ZNF445: variants seen among roughly 807,000 people sequenced by gnomAD.
The protein encoded by ZNF445 is zinc finger protein 445.
A neutral mutation model predicts 93.9 loss-of-function variants in ZNF445; 19 were observed. The observed-to-expected ratio is 0.20, with a 90% CI of 0.14 to 0.30. ZNF445 has a LOEUF of 0.30. ZNF445 is among the 10% of genes least tolerant of loss of function. The pLI, the probability that ZNF445 is intolerant of heterozygous loss-of-function variation, is 1.00. For missense variants in ZNF445, 1,058 were observed against 1,259.4 expected, an observed-to-expected ratio of 0.84 and a Z score of 2.42; for synonymous variants, 449 against 446.3, an observed-to-expected ratio of 1.01 and a Z score of -0.08.
rs1697827155 is a variant in ZNF445, at chr3:44,442,755, C to T, written c.*3820G>A. Reference sequence around the variant, plus strand: ...ACCTGGTGCTCAGGGCAATCAGAAACTGTCAACTGAAGCCAAACAGCTCAG... The same window carrying T: ...ACCTGGTGCTCAGGGCAATCAGAAATTGTCAACTGAAGCCAAACAGCTCAG... On this transcript the variant is annotated 3_prime_UTR_variant, in exon 8 of 8. Coordinates refer to ENST00000396077, the MANE Select transcript of ZNF445 (RefSeq NM_181489.6). The T allele has an allele frequency of 6.6e-6, 1 of 152,198 alleles. No homozygotes were observed. Among genetic ancestry groups the T allele is most frequent in the Non-Finnish European group, 1.5e-5 (1 of 68,078 alleles). 9.4% of individuals were successfully genotyped at this position (152,198 alleles called of 1,614,324 possible).
intron 7 of ZNF445, 104 bp from the exon 8 acceptor site, chr3:44,448,843 G>C: frequency 7.6e-7 from 1 of 1,316,662 alleles, no homozygotes; most frequent in South Asian, 1.4e-5. Flanking sequence ...GCTTTTGCCT[G>C]ACTGCCAATA....
At chr3:44,453,822 C>T (rs73072626) in intron 3 of ZNF445, among the ~76,000 whole-genome samples, 5 of 152,156 alleles carry the variant, frequency 3.3e-5, no homozygotes, top group Non-Finnish European at 4.4e-5. Context: ...CAAATTCTCA[C>T]GATTAAACCA....
intron 1 of ZNF445, among the ~76,000 whole-genome samples, chr3:44,470,616 A>T (rs1698255634): frequency 6.6e-6 from 1 of 152,262 alleles, no homozygotes; most frequent in Admixed American, 6.5e-5. Context: ...CAGTTTACAT[A>T]TGCACATAAA....
At position 44,447,430 on chromosome 3, in the gene ZNF445, T is replaced by A. The variant is rs757731422; in HGVS notation, c.2241A>T (p.Thr747=). The stretch of plus-strand genomic sequence containing the variant: ...GACTGCTCTGAGGAACCTGGAACAC[T>A]GTGTCCTGACTAAAAGATGGCCCGC... The part of the protein sequence containing the change: ...PEGGPSFSQD[T]VFQVPQSSHS... Residue 747 remains threonine (T), a synonymous_variant, in exon 8 of 8, where the codon ACA becomes ACT. Coordinates refer to ENST00000396077, the MANE Select transcript of ZNF445 (RefSeq NM_181489.6). The surrounding 1 kb of genome is among the most constrained non-coding windows in gnomAD (Gnocchi z 4.7). 1 of 1,614,214 alleles carries A rather than the reference T, an allele frequency of 6.2e-7. No homozygotes were observed. The highest frequency in any genetic ancestry group is 1.7e-5 in the Admixed American group (1 of 60,024).
intron 1 of ZNF445, among the ~76,000 whole-genome samples, chr3:44,462,448 A>C (rs1698129717): frequency 2.0e-5 from 3 of 152,234 alleles, no homozygotes; most frequent in Non-Finnish European, 4.4e-5. Flanking sequence ...CCTTCTGGGA[A>C]GAACAGTAGA....
In ZNF445 at chr3:44,451,288, G is replaced by T. The variant is rs373939497; in HGVS notation, c.598+26C>A. The stretch of plus-strand genomic sequence containing the variant: ...ATGCAAGAAGTGTGGCATAAGGCTG[G>T]GGTCTTAAGGCCAGGCAGCAAGTAC... On this transcript the variant is annotated intron_variant, in intron 4 of 7. Coordinates refer to ENST00000396077, the MANE Select transcript of ZNF445 (RefSeq NM_181489.6). 8.2e-5 allele frequency: 132 copies of T among 1,607,908 alleles called. 1 individual carries two copies. In the Admixed American group the frequency reaches 1.2e-3, roughly 14 times the overall value.
At chr3:44,473,490 C>CACACACACACACAAAA (rs774842477) in intron 1 of ZNF445, among the ~76,000 whole-genome samples, 2 of 56,930 alleles carry the variant, frequency 3.5e-5, no homozygotes, top group African/African-American at 8.7e-5. Context: ...CACACACACA[C>CACACACACACACAAAA]AAAAAATGCT....
In ZNF445 at chr3:44,472,726, G is replaced by A. The variant is rs552198214; in HGVS notation, c.-269+4865C>T. Among the ~76,000 whole-genome samples the A allele has an allele frequency of 2.9e-3, 436 of 152,182 alleles. 3 individuals carry two copies. The highest frequency in any genetic ancestry group is 9.9e-3 in the African/African-American group (411 of 41,558). ...GCTACCTCAGCAGACAGCTGAGCCC[G>A]CCAATGAAATTCAGGTATCTTAATG... On this transcript the variant is annotated intron_variant, in intron 1 of 7. Coordinates refer to ENST00000396077, the MANE Select transcript of ZNF445 (RefSeq NM_181489.6).
At chr3:44,460,396 C>T (rs1360381268) in intron 1 of ZNF445, among the ~76,000 whole-genome samples, 1 of 152,172 alleles carries the variant, frequency 6.6e-6, no homozygotes, top group Non-Finnish European at 1.5e-5. Context: ...GTAGGACTAA[C>T]ATTAGCCATA....
At position 44,437,908 on chromosome 3, in the gene ZNF445, G is replaced by A. The variant is rs949797007; in HGVS notation, c.*8667C>T. The A allele has an allele frequency of 5.2e-5, 8 of 152,542 alleles. No individual in the cohort carries two copies. Among genetic ancestry groups the A allele is most frequent in the Non-Finnish European group, 1.0e-4 (7 of 68,008 alleles). The allele number at this position is 152,542 out of a possible 1,614,324, so 9.4% of individuals were successfully genotyped here. A position where few individuals can be genotyped will look rare whatever the true frequency, so the allele number is the denominator to read the frequency against. On this transcript the variant is annotated 3_prime_UTR_variant, in exon 8 of 8. Coordinates refer to ENST00000396077, the MANE Select transcript of ZNF445 (RefSeq NM_181489.6). ...AGGGGTCCCAATTCAATCCTAGAGG[G>A]TAGGAATGCCTAACTTTCTGAGAAT...
Position 44,447,537 on chromosome 3 carries a change from T to C in ZNF445, c.2134A>G (p.Ser712Gly). ...IHTGEKPYQC[S>G]DCGKDFAYRS... ...TAGGCAAAGTCCTTCCCACAATCGC[T>C]ACACTGGTAAGGTTTCTCACCTGTG... Residue 712 changes from serine (S) to glycine (G), a missense_variant, in exon 8 of 8, where the codon AGC becomes GGC. Transcript: ENST00000396077. This position sits in a 1 kb window ranked among gnomAD's most constrained non-coding sequence, Gnocchi z 4.7. 6.2e-7 allele frequency: 1 copy of C among 1,614,184 alleles called. No individual in the cohort carries two copies.
chr3:44,467,990 C>T (rs1190500194), intron 1 of ZNF445, among the ~76,000 whole-genome samples: 2 of 152,114 alleles, frequency 1.3e-5, no homozygotes, highest in Non-Finnish European at 2.9e-5. Context: ...TCATTATTTA[C>T]CTTATAGTAG....
rs143105727 is a variant in ZNF445 at position 44,447,645 on chromosome 3, C to A, written c.2026G>T (p.Ala676Ser). The A allele has an allele frequency of 2.5e-6, 4 of 1,613,988 alleles. No individual in the cohort carries two copies. Among genetic ancestry groups the A allele is most frequent in the South Asian group, 2.2e-5 (2 of 91,072 alleles). The change falls in exon 8 of 8, where the codon GCT becomes TCT. Residue 676 changes from alanine (A) to serine (S), a missense_variant. Around this residue, in one of 3 missense-constraint regions of ZNF445, gnomAD observed 387 missense variants for 475.7 expected, o/e 0.81. Coordinates refer to ENST00000396077, the MANE Select transcript of ZNF445 (RefSeq NM_181489.6). The surrounding 1 kb of genome is among the most constrained non-coding windows in gnomAD (Gnocchi z 4.7). ...TGACACAGAAATGTTTTCTCCACAG[C>A]GGGAGCACCCTGGGGCTGACTGCAG... is the stretch of plus-strand genomic sequence containing the variant. ...PDCSQPQGAP[A>S]VEKTFLCQQC...
At chr3:44,451,257 C>A in intron 4 of ZNF445, 57 bp downstream of exon 4, 1 of 1,581,320 alleles carries the variant, frequency 6.3e-7, no homozygotes, top group Non-Finnish European at 8.7e-7. Flanking sequence ...GACAACACTA[C>A]AGGAAATGCA....
At position 44,435,737 on chromosome 3, in the gene ZNF445, C is replaced by T. The variant is rs1460116204; in HGVS notation, c.*10838G>A. 5 of 152,118 alleles carry T rather than the reference C, an allele frequency of 3.3e-5. No individual in the cohort carries two copies. The highest frequency in any genetic ancestry group is 2.1e-4 in the South Asian group (1 of 4,824). The allele number at this position is 152,118 out of a possible 1,614,324, so 9.4% of individuals were successfully genotyped here. A position where few individuals can be genotyped will look rare whatever the true frequency, so the allele number is the denominator to read the frequency against. On this transcript the variant is annotated 3_prime_UTR_variant, in exon 8 of 8. Coordinates refer to ENST00000396077, the MANE Select transcript of ZNF445 (RefSeq NM_181489.6). ...TTGTTGACTATGTCTATTCTAATTA[C>T]GCATTCTAGAACCAGGGAAATAACC...
intron 7 of ZNF445, 126 bp from the exon 8 acceptor site, chr3:44,448,865 T>TA (rs748483449): frequency 3.5e-5 from 41 of 1,164,266 alleles, no homozygotes; most frequent in Middle Eastern, 2.8e-4. Flanking sequence ...CTTTATAAAA[T>TA]AGTCAAACAT....
chr3:44,450,235 A>G, intron 6 of ZNF445: 3 of 587,768 alleles, frequency 5.1e-6, no homozygotes, highest in Non-Finnish European at 5.9e-6. Flanking sequence ...TACCACACCC[A>G]GCCACCTTTA....
chr3:44,466,786 G>A (rs1261076339), intron 1 of ZNF445, among the ~76,000 whole-genome samples: 2 of 152,272 alleles, frequency 1.3e-5, no homozygotes, highest in East Asian at 3.9e-4. Context: ...AATGGTGTTT[G>A]GTTTACTTTG....
intron 1 of ZNF445, among the ~76,000 whole-genome samples, chr3:44,471,129 C>T (rs1290927772): frequency 1.3e-5 from 2 of 152,094 alleles, no homozygotes; most frequent in Non-Finnish European, 2.9e-5. Context: ...GTTCCACAGA[C>T]ACAGGATCAG....
Sources: allele counts gnomAD v4.1 joint callset (sites outside exome capture counted in the v4.1 genomes callset), GRCh38; gene constraint gnomAD v4.1.1; regional missense constraint gnomAD v4.1.1; non-coding constraint Gnocchi (gnomAD v3.1); transcripts MANE v1.5; gene names NCBI Gene and HGNC (gene_info 2026-07-23, HGNC 2026-07-21).